HDAC4: variants seen among roughly 807,000 people sequenced by gnomAD.
HDAC4 encodes histone deacetylase 4, also known as histone deacetylase A.
HDAC4 carries 16 observed loss-of-function variants against 135.1 expected under a neutral mutation model. The observed-to-expected ratio is 0.12, with a 90% CI of 0.08 to 0.18. The LOEUF is 0.18. Ranked by LOEUF, HDAC4 falls within the 10% of genes least tolerant of loss-of-function variation. HDAC4 has a pLI of 1.00. For missense variants in HDAC4, 1,143 were observed against 1,511.8 expected (o/e 0.76, Z 4.05); for synonymous variants, 685 against 653.4 (o/e 1.05, Z -0.74).
intron 12 of HDAC4, among the ~76,000 whole-genome samples, chr2:239,125,965 A>G (rs2040157594): frequency 1.3e-5 from 2 of 152,252 alleles, no homozygotes; most frequent in South Asian, 4.1e-4. Flanking sequence ...TACGCTGCTC[A>G]TGCACTCAGG....
chr2:239,094,150 C>T (rs989923083), intron 17 of HDAC4: 11 of 985,340 alleles, frequency 1.1e-5, no homozygotes, highest in East Asian at 2.3e-4. Flanking sequence ...TGCCTGTAAC[C>T]GTCTGTGGTG....
intron 2 of HDAC4, among the ~76,000 whole-genome samples, chr2:239,350,661 G>A (rs542654621): frequency 3.9e-4 from 60 of 152,128 alleles, no homozygotes; most frequent in Admixed American, 9.2e-4. Flanking sequence ...ACGCCACCAC[G>A]CCCAGCTAAT....
intron 15 of HDAC4, among the ~76,000 whole-genome samples, chr2:239,106,806 T>C (rs2038179737): frequency 2.0e-5 from 3 of 152,196 alleles, no homozygotes; most frequent in Admixed American, 2.0e-4. Flanking sequence ...AGGCCCTCCG[T>C]GCCACGCCAG....
chr2:239,085,090 C>T (rs2035805559), intron 19 of HDAC4, among the ~76,000 whole-genome samples: 1 of 150,966 alleles, frequency 6.6e-6, no homozygotes, highest in Admixed American at 6.6e-5. Context: ...GCTTGGAGGT[C>T]CCCCACGCTC....
At position 239,400,312 on chromosome 2, in the gene HDAC4, A is replaced by C. The variant is rs1188123845; in HGVS notation, c.-220+666T>G. 6.7e-6 allele frequency: 1 copy of C among 148,410 alleles called. No homozygotes were observed. The highest frequency in any genetic ancestry group is 1.5e-5 in the Non-Finnish European group (1 of 66,762). The allele number at this position is 148,410 out of a possible 1,614,324, so 9.2% of individuals were successfully genotyped here. A position where few individuals can be genotyped will look rare whatever the true frequency, so the allele number is the denominator to read the frequency against. Reference sequence around the variant, plus strand: ...CACAGCATTTGACAAAGTTACATAAACGGCGCCCGGCCGGCCCCGGCGCCC... The same window carrying C: ...CACAGCATTTGACAAAGTTACATAACCGGCGCCCGGCCGGCCCCGGCGCCC... On this transcript the variant is annotated intron_variant, in intron 1 of 26. Coordinates refer to ENST00000543185, the MANE Select transcript of HDAC4 (RefSeq NM_001378414.1). The surrounding 1 kb of genome is among the most constrained non-coding windows in gnomAD (Gnocchi z 4.7).
At chr2:239,197,882 T>TGTGTGTGTGTGC (rs796837146) in intron 3 of HDAC4, among the ~76,000 whole-genome samples, 46 of 150,420 alleles carry the variant, frequency 3.1e-4, no homozygotes, top group African/African-American at 9.6e-4. Context: ...TGTGTGTGTG[T>TGTGTGTGTGTGC]GCTGAGTGTC....
At chr2:239,056,357 A>C (rs1041415167) in intron 24 of HDAC4, among the ~76,000 whole-genome samples, 1 of 152,190 alleles carries the variant, frequency 6.6e-6, no homozygotes, top group African/African-American at 2.4e-5. Flanking sequence ...TGGGGCGGGG[A>C]AAATACAAGA....
Position 239,247,510 on chromosome 2 carries a change from C to T in HDAC4, c.23-10846G>A, listed in dbSNP as rs189890890. ...TCCCGCTTCACCTTTGCTTCAGTGC[C>T]GCAGCCGGGGCCCGTGCCCTCCACG... On this transcript the variant is annotated intron_variant, in intron 2 of 26. Coordinates refer to ENST00000543185, the MANE Select transcript of HDAC4 (RefSeq NM_001378414.1). Among the ~76,000 whole-genome samples, 28 of 152,290 alleles carry T rather than the reference C, an allele frequency of 1.8e-4. No individual in the cohort carries two copies. In the East Asian group the frequency reaches 2.1e-3, roughly 12 times the overall value.
intron 2 of HDAC4, among the ~76,000 whole-genome samples, chr2:239,294,226 G>A (rs2051709269): frequency 1.3e-5 from 2 of 152,140 alleles, no homozygotes; most frequent in South Asian, 2.1e-4. Flanking sequence ...CTCAGACAAG[G>A]ACCGCAATCA....
chr2:239,207,789 T>C (rs1353059317), intron 3 of HDAC4, among the ~76,000 whole-genome samples: 1 of 152,206 alleles, frequency 6.6e-6, no homozygotes, highest in Non-Finnish European at 1.5e-5. Flanking sequence ...TAATGGATCA[T>C]GCAACTTTAA....
At chr2:239,152,822 G>GA (rs1401722930) in intron 7 of HDAC4, among the ~76,000 whole-genome samples, 1 of 152,118 alleles carries the variant, frequency 6.6e-6, no homozygotes, top group Non-Finnish European at 1.5e-5. Flanking sequence ...ATTGGATGGA[G>GA]AAAAAAATCA....
chr2:239,210,795 C>A (rs556937257), intron 3 of HDAC4, among the ~76,000 whole-genome samples: 1 of 152,176 alleles, frequency 6.6e-6, no homozygotes, highest in African/African-American at 2.4e-5. Context: ...TATACAATGA[C>A]CTGCTTGGGA....
At chr2:239,097,936 T>G (rs1045021023) in intron 16 of HDAC4, among the ~76,000 whole-genome samples, 1 of 152,220 alleles carries the variant, frequency 6.6e-6, no homozygotes, top group Non-Finnish European at 1.5e-5. Context: ...GGAAAGACAC[T>G]GCCAGAAACT....
intron 2 of HDAC4, among the ~76,000 whole-genome samples, chr2:239,278,805 G>C (rs1337953085): frequency 6.6e-6 from 1 of 152,184 alleles, no homozygotes; most frequent in Admixed American, 6.5e-5. Context: ...CATCAGTGTG[G>C]CTCTCTTCCT....
At chr2:239,093,958 C>A (rs1191124900) in intron 17 of HDAC4, 1 of 985,238 alleles carries the variant, frequency 1.0e-6, no homozygotes, top group Non-Finnish European at 1.2e-6. Context: ...GCCGTTTATT[C>A]TCTTTCTGAC....
chr2:239,349,532 G>T lies in HDAC4; in HGVS notation c.22+3146C>A, dbSNP rs1692969921. 6.6e-6 allele frequency among the ~76,000 whole-genome samples: 1 copy of T among 152,240 alleles called. No individual in the cohort carries two copies. ...CACAGAGGAACTTCCCGAAACTAGA[G>T]ATCTCTGGGGATGGAGCTGCTTGGG... On this transcript the variant is annotated intron_variant, in intron 2 of 26. Transcript: ENST00000543185. The surrounding 1 kb of genome is among the most constrained non-coding windows in gnomAD (Gnocchi z 5.7).
intron 2 of HDAC4, among the ~76,000 whole-genome samples, chr2:239,345,756 ACC>A (rs199667023): frequency 1.4e-5 from 2 of 147,952 alleles, no homozygotes; most frequent in South Asian, 2.1e-4. Flanking sequence ...AAACACACAC[ACC>A]CCCGTCTCAC....
At chr2:239,358,825 C>T (rs1439054982) in intron 1 of HDAC4, among the ~76,000 whole-genome samples, 1 of 152,172 alleles carries the variant, frequency 6.6e-6, no homozygotes, top group Non-Finnish European at 1.5e-5. Context: ...ATTTCAGAAT[C>T]GCTAACCTCT....
At chr2:239,341,160 T>C (rs1345369109) in intron 2 of HDAC4, among the ~76,000 whole-genome samples, 2 of 152,244 alleles carry the variant, frequency 1.3e-5, no homozygotes, top group Admixed American at 1.3e-4. Context: ...TATCCACTAG[T>C]ACATCAGAAA....
Sources: gnomAD v4.1 joint callset for allele counts (sites outside exome capture counted in the v4.1 genomes callset) on GRCh38, gnomAD v4.1.1 for gene constraint, Gnocchi (gnomAD v3.1) non-coding constraint, MANE v1.5 for transcripts, NCBI Gene and HGNC (gene_info 2026-07-23, HGNC 2026-07-21) for gene names.